Variants in TMTC2 observed in about 807,000 individuals in gnomAD.
TMTC2 encodes the protein transmembrane O-mannosyltransferase targeting cadherins 2, also known as protein O-mannosyl-transferase TMTC2.
TMTC2 carries 43 observed loss-of-function variants against 82.4 expected under a neutral mutation model. The ratio of observed to expected loss-of-function variants is 0.52; its 90% CI spans 0.41 to 0.67. The LOEUF (loss-of-function observed/expected upper bound fraction) is 0.67. TMTC2 is among the 30% of genes least tolerant of loss of function. The pLI is 0.00. For synonymous variants in TMTC2, 408 were observed against 381.9 expected (o/e 1.07, Z -0.80); for missense variants, 919 against 1,012.4 (o/e 0.91, Z 1.25).
chr12:82,954,837 G>A (rs1394196854), intron 4 of TMTC2, among the ~76,000 whole-genome samples: 1 of 152,164 alleles, frequency 6.6e-6, no homozygotes, highest in African/African-American at 2.4e-5. Context: ...AATTTGGTCA[G>A]ATGTATTGTC....
At chr12:83,128,503 C>T (rs967329502) in intron 11 of TMTC2, among the ~76,000 whole-genome samples, 4 of 151,818 alleles carry the variant, frequency 2.6e-5, no homozygotes, top group African/African-American at 7.3e-5. Flanking sequence ...TTCTATCCTC[C>T]GATATACTTT....
chr12:82,981,366 C>G (rs143501463), intron 7 of TMTC2, among the ~76,000 whole-genome samples: 104 of 151,894 alleles, frequency 6.8e-4, no homozygotes, highest in African/African-American at 2.3e-3. Flanking sequence ...AAGGAGTTAG[C>G]CTTTGCCTGG....
At chr12:83,083,291 T>C (rs79938964) in intron 11 of TMTC2, among the ~76,000 whole-genome samples, 1,948 of 152,320 alleles carry the variant, frequency 0.013, 38 homozygotes, top group African/African-American at 0.041. Flanking sequence ...TCAAACATAC[T>C]TCTTCCTTAG....
intron 8 of TMTC2, among the ~76,000 whole-genome samples, chr12:83,007,049 C>A (rs1483709902): frequency 6.6e-6 from 1 of 151,734 alleles, no homozygotes; most frequent in Non-Finnish European, 1.5e-5. Context: ...ACCTATGTAA[C>A]AAACCTGCAC....
intron 7 of TMTC2, among the ~76,000 whole-genome samples, chr12:82,973,533 A>T (rs1592667514): frequency 6.6e-6 from 1 of 152,126 alleles, no homozygotes; most frequent in East Asian, 1.9e-4. Flanking sequence ...AAAAACTATA[A>T]TTTTTTCTCC....
chr12:82,697,001 A>G (rs1872833878), intron 1 of TMTC2, among the ~76,000 whole-genome samples: 1 of 131,936 alleles, frequency 7.6e-6, no homozygotes, highest in South Asian at 2.6e-4. Flanking sequence ...TTAATAGATC[A>G]GTGCTACCCT....
At chr12:82,716,153 T>C (rs1010345153) in intron 1 of TMTC2, among the ~76,000 whole-genome samples, 5 of 152,212 alleles carry the variant, frequency 3.3e-5, no homozygotes, top group Non-Finnish European at 4.4e-5. Context: ...GATATATTTT[T>C]GGTATATCTT....
intron 9 of TMTC2, among the ~76,000 whole-genome samples, chr12:83,033,773 A>C (rs886614905): frequency 6.6e-6 from 1 of 150,766 alleles, no homozygotes; most frequent in Non-Finnish European, 1.5e-5. Flanking sequence ...ATAAATAAAC[A>C]AAAAAACCAT....
chr12:82,900,623 G>C (rs899556327), intron 3 of TMTC2, among the ~76,000 whole-genome samples: 3 of 145,042 alleles, frequency 2.1e-5, no homozygotes, highest in African/African-American at 7.5e-5. Flanking sequence ...TATATATAGA[G>C]AGGAATATAT....
At chr12:82,868,724 A>T (rs115513484) in intron 2 of TMTC2, among the ~76,000 whole-genome samples, 2,233 of 149,804 alleles carry the variant, frequency 0.015, 64 homozygotes, top group African/African-American at 0.053. Context: ...TGAAAAAAAA[A>T]GGGAGGCACT....
In TMTC2 at chr12:82,982,057, T is replaced by C. The variant is rs1038332015; in HGVS notation, c.1949-3868T>C. ...TGAGTTTGTTAAGCTCTCTGAAGCATAGTCAGTTCATTTTGTAAAATGAGA... is the reference window on the plus strand; with the variant it reads ...TGAGTTTGTTAAGCTCTCTGAAGCACAGTCAGTTCATTTTGTAAAATGAGA... On this transcript the variant is annotated intron_variant, in intron 7 of 11. Transcript: ENST00000321196. 4.6e-5 allele frequency among the ~76,000 whole-genome samples: 7 copies of C among 151,786 alleles called. No individual in the cohort carries two copies. In the East Asian group the frequency reaches 1.2e-3, roughly 25 times the overall value.
chr12:82,822,238 A>T (rs1869157753), intron 1 of TMTC2, among the ~76,000 whole-genome samples: 1 of 152,188 alleles, frequency 6.6e-6, no homozygotes. Context: ...TGGTGGATAC[A>T]TTTGCCCAAA....
chr12:83,004,722 A>ATTTTTTTTTTTTTTTTTTTTTT (rs528076999), intron 8 of TMTC2, among the ~76,000 whole-genome samples: 2 of 36,032 alleles, frequency 5.6e-5, no homozygotes, highest in Admixed American at 4.5e-4. Flanking sequence ...TACTGGCCGA[A>ATTTTTTTTTTTTTTTTTTTTTT]TTTTTTTTTT....
chr12:82,871,754 A>C (rs1251565794), intron 2 of TMTC2, among the ~76,000 whole-genome samples: 1 of 149,172 alleles, frequency 6.7e-6, no homozygotes, highest in Non-Finnish European at 1.5e-5. Flanking sequence ...CATTTCATTT[A>C]GGTTTAGAGT....
At chr12:83,043,794 A>G (rs111549716) in intron 9 of TMTC2, among the ~76,000 whole-genome samples, 220 of 152,358 alleles carry the variant, frequency 1.4e-3, no homozygotes, top group African/African-American at 5.0e-3. Flanking sequence ...TTTGGGGGGT[A>G]TATTAACCTA....
intron 11 of TMTC2, among the ~76,000 whole-genome samples, chr12:83,129,330 T>C (rs1173807095): frequency 6.6e-6 from 1 of 152,220 alleles, no homozygotes; most frequent in African/African-American, 2.4e-5. Context: ...TTTTGTTTAA[T>C]GAGTAACACA....
chr12:82,805,434 CTT>C (rs1879194594), intron 1 of TMTC2, among the ~76,000 whole-genome samples: 1 of 146,098 alleles, frequency 6.8e-6, no homozygotes, highest in Non-Finnish European at 1.5e-5. Context: ...GGAGGAAAGT[CTT>C]TGAAGAGGAA....
At chr12:83,037,397 C>T (rs942930514) in intron 9 of TMTC2, among the ~76,000 whole-genome samples, 1 of 152,122 alleles carries the variant, frequency 6.6e-6, no homozygotes, top group African/African-American at 2.4e-5. Context: ...TTTTTAATTA[C>T]ATAATGAACC....
chr12:82,922,494 C>A (rs1875454740), intron 3 of TMTC2, among the ~76,000 whole-genome samples: 1 of 151,108 alleles, frequency 6.6e-6, no homozygotes, highest in Non-Finnish European at 1.5e-5. Context: ...TCTTTTCCTA[C>A]CTTCCTTTTC....
Sources: gnomAD v4.1 joint callset for allele counts (sites outside exome capture counted in the v4.1 genomes callset) on GRCh38, gnomAD v4.1.1 for gene constraint, MANE v1.5 for transcripts, NCBI Gene and HGNC (gene_info 2026-07-23, HGNC 2026-07-21) for gene names.